CASTOR2: variants seen among roughly 807,000 people sequenced by gnomAD.
CASTOR2 encodes the protein cytosolic arginine sensor for mTORC1 subunit 2.
In CASTOR2, 8 loss-of-function variants were observed where a neutral mutation model predicts 31.2. The ratio of observed to expected loss-of-function variants is 0.26; its 90% confidence interval spans 0.15 to 0.46. The LOEUF is 0.46. CASTOR2 is among the 20% of genes least tolerant of loss of function. The pLI is 0.99. For synonymous variants in CASTOR2, 162 were observed against 158.7 expected, an observed-to-expected ratio of 1.02 and a Z score of -0.16; for missense variants, 216 against 382.1, an observed-to-expected ratio of 0.57 and a Z score of 3.62.
chr7:75,018,034 A>C lies in CASTOR2; in HGVS notation c.423A>C (p.Ser141=). The change falls in exon 4 of 9, where the codon TCA becomes TCC. Residue 141 remains serine (S), a synonymous_variant. Coordinates refer to ENST00000616305, the MANE Select transcript of CASTOR2 (RefSeq NM_001145064.3). ...DLPFVTHTLS[S]EFTILRVVNG... Reference sequence around the variant, plus strand: ...CCTTTGTCACCCACACATTGTCATCAGAGTTCACCATCCTGCGGGTCGTCA... The same window carrying C: ...CCTTTGTCACCCACACATTGTCATCCGAGTTCACCATCCTGCGGGTCGTCA... 1 of 1,614,238 alleles carries C rather than the reference A, an allele frequency of 6.2e-7. No individual in the cohort carries two copies. The highest frequency in any genetic ancestry group is 8.5e-7 in the Non-Finnish European group (1 of 1,180,042).
rs1193842037 is a variant in CASTOR2, at chr7:75,014,419, C to CAAA, written c.185-3160_185-3158dup. Among the ~76,000 whole-genome samples, 412 of 57,548 alleles carry CAAA rather than the reference C, an allele frequency of 7.2e-3. 12 individuals carry two copies. The highest frequency in any genetic ancestry group is 0.021 in the African/African-American group (383 of 18,168). 37.8% of individuals were successfully genotyped at this position (57,548 alleles called of 152,430 possible). On this transcript the variant is annotated intron_variant, in intron 2 of 8. Transcript: ENST00000616305. ...TGAAACCCCTTCTCTACTAAAAATA[C>CAAA]AAAAAAAAAAAAAAAAAAAAAGTAG...
At chr7:75,007,488 A>G (rs1442356738) in intron 1 of CASTOR2, among the ~76,000 whole-genome samples, 2 of 152,178 alleles carry the variant, frequency 1.3e-5, no homozygotes, top group Non-Finnish European at 2.9e-5. Context: ...GGGATGGAAA[A>G]TAAACCGAGG....
chr7:75,002,166 T>G (rs1442013333), intron 1 of CASTOR2, among the ~76,000 whole-genome samples: 1 of 150,084 alleles, frequency 6.7e-6, no homozygotes, highest in African/African-American at 2.4e-5. Context: ...CCTCAAGAGA[T>G]CCATTCACCT....
chr7:74,991,424 G>T (rs1804208965), intron 1 of CASTOR2, among the ~76,000 whole-genome samples: 1 of 152,066 alleles, frequency 6.6e-6, no homozygotes, highest in Non-Finnish European at 1.5e-5. Context: ...AGCCCCCAGT[G>T]CCCCTACCCA....
chr7:74,992,825 C>T (rs1804243187), intron 1 of CASTOR2, among the ~76,000 whole-genome samples: 1 of 151,902 alleles, frequency 6.6e-6, no homozygotes, highest in African/African-American at 2.4e-5. Context: ...ATTGCTTGAG[C>T]CCAGGAGTGC....
At chr7:74,992,028 GC>G (rs1206711696) in intron 1 of CASTOR2, among the ~76,000 whole-genome samples, 2 of 152,090 alleles carry the variant, frequency 1.3e-5, no homozygotes, top group Middle Eastern at 6.3e-3. Context: ...GATGAAAAAG[GC>G]TGGATTTGAG....
At chr7:75,007,364 G>A (rs1475587664) in intron 1 of CASTOR2, among the ~76,000 whole-genome samples, 48 of 152,202 alleles carry the variant, frequency 3.2e-4, no homozygotes, top group African/African-American at 1.0e-3. Flanking sequence ...TTTGTTTTGC[G>A]GGTAGATGAG....
intron 6 of CASTOR2, among the ~76,000 whole-genome samples, chr7:75,020,982 A>T (rs1361917990): frequency 3.4e-5 from 5 of 148,994 alleles, no homozygotes; most frequent in Middle Eastern, 3.4e-3. Context: ...TTTTTATTTT[A>T]TTTTTTTTTA....
At chr7:74,991,651 G>A in intron 1 of CASTOR2, among the ~76,000 whole-genome samples, 1 of 152,154 alleles carries the variant, frequency 6.6e-6, no homozygotes, top group Non-Finnish European at 1.5e-5. Context: ...GACGGTTGGA[G>A]GGGAGGTGTG....
intron 1 of CASTOR2, among the ~76,000 whole-genome samples, chr7:74,990,213 C>A (rs1804173219): frequency 1.3e-5 from 2 of 151,158 alleles, no homozygotes; most frequent in African/African-American, 4.9e-5. Flanking sequence ...ACAGTGAAAC[C>A]CCGTCTCTAC....
intron 1 of CASTOR2, among the ~76,000 whole-genome samples, chr7:74,989,428 T>G (rs1554437093): frequency 6.6e-6 from 1 of 151,812 alleles, no homozygotes; most frequent in Non-Finnish European, 1.5e-5. Context: ...GGGTAATTTT[T>G]GTTTTGTTTT....
chr7:75,010,570 C>T (rs1804716268), intron 2 of CASTOR2, among the ~76,000 whole-genome samples: 1 of 152,108 alleles, frequency 6.6e-6, no homozygotes, highest in South Asian at 2.1e-4. Context: ...ATCCCTCGAC[C>T]CTGCCATTCC....
chr7:74,971,161 A>G (rs1235623440), intron 1 of CASTOR2, among the ~76,000 whole-genome samples: 2 of 140,262 alleles, frequency 1.4e-5, no homozygotes, highest in Non-Finnish European at 3.1e-5. Flanking sequence ...ATGCCCGGCT[A>G]ATTTTGTATT....
At chr7:75,014,419 C>CAAAAAAAAAAAAAA (rs1193842037) in intron 2 of CASTOR2, among the ~76,000 whole-genome samples, 1 of 57,554 alleles carries the variant, frequency 1.7e-5, no homozygotes, top group African/African-American at 5.5e-5. Context: ...ACTAAAAATA[C>CAAAAAAAAAAAAAA]AAAAAAAAAA....
chr7:75,027,079 T>C lies in CASTOR2; in HGVS notation c.*2380T>C, dbSNP rs957478304. On this transcript the variant is annotated 3_prime_UTR_variant, in exon 9 of 9. Coordinates refer to ENST00000616305, the MANE Select transcript of CASTOR2 (RefSeq NM_001145064.3). ...TGTGTGCACACGTGTATGGGCGTGA[T>C]GGCCTCCACCCCGCACCGTCTGCCA... 152,244 of 152,396 alleles carry C rather than the reference T, an allele frequency of 1. 76,047 individuals are homozygous for C. Among genetic ancestry groups the C allele is most frequent in the Middle Eastern group, 1 (294 of 294 alleles). 9.4% of individuals were successfully genotyped at this position (152,396 alleles called of 1,614,324 possible).
chr7:74,984,722 G>A (rs1473986617), intron 1 of CASTOR2, among the ~76,000 whole-genome samples: 1 of 152,182 alleles, frequency 6.6e-6, no homozygotes, highest in African/African-American at 2.4e-5. Context: ...ACTCAGGTGG[G>A]TATGTGACCT....
In CASTOR2 at chr7:75,018,024, C is replaced by T. The variant is rs1804905959; in HGVS notation, c.413C>T (p.Thr138Ile). The change falls in exon 4 of 9, where the codon ACA becomes ATA. Residue 138 changes from threonine to isoleucine, a missense_variant. By Grantham distance (89) the Thr-to-Ile change is moderately conservative. Around this residue, in one of 5 missense-constraint regions of CASTOR2, gnomAD observed 114 missense variants for 194.2 expected, o/e 0.59. Transcript: ENST00000616305. Reference sequence around the variant, plus strand: ...CGGGACCTGCCCTTTGTCACCCACACATTGTCATCAGAGTTCACCATCCTG... The same window carrying T: ...CGGGACCTGCCCTTTGTCACCCACATATTGTCATCAGAGTTCACCATCCTG... The part of the protein sequence containing the change: ...RERDLPFVTH[T>I]LSSEFTILRV... The T allele has an allele frequency of 6.2e-7, 1 of 1,614,222 alleles. No homozygotes were observed. The highest frequency in any genetic ancestry group is 8.5e-7 in the Non-Finnish European group (1 of 1,180,036).
chr7:75,027,752 T>A lies in CASTOR2; in HGVS notation c.*3053T>A. On this transcript the variant is annotated 3_prime_UTR_variant, in exon 9 of 9. Transcript: ENST00000616305. ...ACAGGGGGCCCCTTTAGTTTTCCCA[T>A]CCCCATCCTGCTCGTGTAAAGCTTG... The A allele has an allele frequency of 2.1e-6, 1 of 485,162 alleles. No homozygotes were observed. The highest frequency in any genetic ancestry group is 4.0e-5 in the East Asian group (1 of 24,886). The allele number at this position is 485,162 out of a possible 1,614,324, so 30.1% of individuals were successfully genotyped here.
intron 2 of CASTOR2, among the ~76,000 whole-genome samples, chr7:75,013,806 C>T (rs1489641789): frequency 2.3e-4 from 35 of 152,144 alleles, no homozygotes; most frequent in Non-Finnish European, 4.6e-4. Context: ...CTGCTCACTG[C>T]AACCTCCACC....
Sources: allele counts gnomAD v4.1 joint callset (sites outside exome capture counted in the v4.1 genomes callset), GRCh38; gene constraint gnomAD v4.1.1; regional missense constraint gnomAD v4.1.1; transcripts MANE v1.5; gene names NCBI Gene and HGNC (gene_info 2026-07-23, HGNC 2026-07-21).